Variants in KRT6A observed in about 807,000 individuals in gnomAD.
KRT6A encodes the protein keratin, type II cytoskeletal 6A.
In KRT6A, 28 loss-of-function variants were observed where a neutral mutation model predicts 48.6. That is an observed-to-expected ratio of 0.58 (90% CI 0.43 to 0.79). KRT6A has a LOEUF of 0.79. Ranked by LOEUF, KRT6A falls within the 30% of genes least tolerant of loss-of-function variation. KRT6A has a pLI of 0.00. For missense variants in KRT6A, 687 were observed against 724.3 expected, an observed-to-expected ratio of 0.95 and a Z score of 0.59; for synonymous variants, 301 against 294.2, an observed-to-expected ratio of 1.02 and a Z score of -0.24.
At chr12:52,489,853 T>C in intron 6 of KRT6A, 90 bp downstream of exon 6, 1 of 1,602,670 alleles carries the variant, frequency 6.2e-7, no homozygotes, top group South Asian at 1.1e-5. Flanking sequence ...TTTTGATAAG[T>C]TCCAGGGGAT....
chr12:52,489,319 C>T (rs1178705281), intron 6 of KRT6A, among the ~76,000 whole-genome samples: 1 of 152,120 alleles, frequency 6.6e-6, no homozygotes, highest in Non-Finnish European at 1.5e-5. Flanking sequence ...TGCTCTGTCA[C>T]CCAGGCTGGA....
chr12:52,493,225 A>G lies in KRT6A; in HGVS notation c.-37T>C. ...ATGAGAGAGCTGAGGAGAGTGTGAG[A>G]GGCTGGAGGAGAGAGGGAAGAGAAG... On this transcript the variant is annotated 5_prime_UTR_variant, in exon 1 of 9. Coordinates refer to ENST00000330722, the MANE Select transcript of KRT6A (RefSeq NM_005554.4). 6.2e-7 allele frequency: 1 copy of G among 1,613,902 alleles called. No homozygotes were observed. Among genetic ancestry groups the G allele is most frequent in the Non-Finnish European group, 8.5e-7 (1 of 1,179,962 alleles).
chr12:52,489,889 T>G (rs1938226705), intron 6 of KRT6A, 54 bp downstream of exon 6: 2 of 1,613,934 alleles, frequency 1.2e-6, no homozygotes, highest in Non-Finnish European at 1.7e-6. Flanking sequence ...GGTTGATGGC[T>G]GCCTGACGAC....
In KRT6A at chr12:52,487,478, G is replaced by C. The variant is rs1938163562; in HGVS notation, c.*242C>G. On this transcript the variant is annotated 3_prime_UTR_variant, in exon 9 of 9. Transcript: ENST00000330722. ...GCAAGAAATTAATAATTTAGTAACA[G>C]TGAAGCTCCAGTGGTGATTACATCA... 7.0e-6 allele frequency: 4 copies of C among 571,548 alleles called. No individual in the cohort carries two copies. Among genetic ancestry groups the C allele is most frequent in the Non-Finnish European group, 1.2e-5 (4 of 322,946 alleles). The allele number at this position is 571,548 out of a possible 1,614,324, so 35.4% of individuals were successfully genotyped here. A position where few individuals can be genotyped will look rare whatever the true frequency, so the allele number is the denominator to read the frequency against.
At chr12:52,491,230 G>A in intron 2 of KRT6A, 58 bp from the exon 3 acceptor site, 2 of 1,611,676 alleles carry the variant, frequency 1.2e-6, no homozygotes, top group Non-Finnish European at 1.7e-6. Context: ...AAACAGAAAA[G>A]CAGCCTGGGA....
chr12:52,487,569 G>C lies in KRT6A; in HGVS notation c.*151C>G, dbSNP rs1016777089. 1.4e-5 allele frequency: 12 copies of C among 873,286 alleles called. 1 individual carries two copies. Among genetic ancestry groups the C allele is most frequent in the African/African-American group, 1.4e-4 (8 of 59,014 alleles). The allele number at this position is 873,286 out of a possible 1,614,324, so 54.1% of individuals were successfully genotyped here. A position where few individuals can be genotyped will look rare whatever the true frequency, so the allele number is the denominator to read the frequency against. ...TGCTCAGATGGTATAGAGAGAGAGA[G>C]AAGAAGTGAGGGCACTAAGCATCCA... On this transcript the variant is annotated 3_prime_UTR_variant, in exon 9 of 9. Coordinates refer to ENST00000330722, the MANE Select transcript of KRT6A (RefSeq NM_005554.4).
rs765170804 is a variant in KRT6A, at chr12:52,492,743, T to C, written c.446A>G (p.Asn149Ser). ...CTGGATGGTGGGATCGATTTGCAGG[T>C]TGAGGGGAGTCAGGAGACTCTGGTT... ...TVNQSLLTPL[N>S]LQIDPTIQRV... Residue 149 changes from asparagine (N) to serine (S), a missense_variant, in exon 1 of 9, where the codon AAC becomes AGC. Physicochemically the swap from Asn to Ser is conservative, Grantham distance 46. Transcript: ENST00000330722. 14 of 1,613,310 alleles carry C rather than the reference T, an allele frequency of 8.7e-6. No homozygotes were observed. In the South Asian group the frequency reaches 1.5e-4, roughly 18 times the overall value.
rs1592185369 is a variant in KRT6A at position 52,490,802 on chromosome 12, C to A, written c.912+56G>T. 17 of 1,614,068 alleles carry A rather than the reference C, an allele frequency of 1.1e-5. No homozygotes were observed. The East Asian group carries it at 3.8e-4, about 36-fold the overall frequency. ...TACAGAGATACCCAACCCTATACAT[C>A]TTCTCCCCTTTGCAGACCCCATCAG... On this transcript the variant is annotated intron_variant, in intron 4 of 8. Coordinates refer to ENST00000330722, the MANE Select transcript of KRT6A (RefSeq NM_005554.4).
chr12:52,489,637 A>G (rs1278277267), intron 6 of KRT6A, among the ~76,000 whole-genome samples: 1 of 152,138 alleles, frequency 6.6e-6, no homozygotes, highest in Non-Finnish European at 1.5e-5. Flanking sequence ...AGTGTATTTT[A>G]TGTGTGGCCC....
chr12:52,487,691 C>T lies in KRT6A; in HGVS notation c.*29G>A. 1.2e-6 allele frequency: 2 copies of T among 1,614,082 alleles called. No homozygotes were observed. Among genetic ancestry groups the T allele is most frequent in the Non-Finnish European group, 1.7e-6 (2 of 1,179,996 alleles). ...CTGCAGCCAGAGAGGGGCCTGAGGA[C>T]TGTGGGACCGAGAGCTAGCAGACGC... On this transcript the variant is annotated 3_prime_UTR_variant, in exon 9 of 9. Coordinates refer to ENST00000330722, the MANE Select transcript of KRT6A (RefSeq NM_005554.4).
chr12:52,489,311 C>G (rs541219731), intron 6 of KRT6A, among the ~76,000 whole-genome samples: 2 of 152,182 alleles, frequency 1.3e-5, no homozygotes, highest in Non-Finnish European at 2.9e-5. Context: ...CAGAGTTTTG[C>G]TCTGTCACCC....
intron 6 of KRT6A, among the ~76,000 whole-genome samples, chr12:52,489,342 G>A (rs907669894): frequency 2.6e-5 from 4 of 152,016 alleles, no homozygotes; most frequent in Admixed American, 1.3e-4. Flanking sequence ...GCAGTGGCGC[G>A]GTATCGACTC....
chr12:52,489,570 G>C (rs572622524), intron 6 of KRT6A, among the ~76,000 whole-genome samples: 8 of 152,264 alleles, frequency 5.3e-5, no homozygotes, highest in Middle Eastern at 3.4e-3. Context: ...TGAGCCACTG[G>C]ACAAGGCTGT....
chr12:52,487,232 A>T lies in KRT6A; in HGVS notation c.*488T>A, dbSNP rs1228675488. 5.8e-6 allele frequency: 1 copy of T among 171,056 alleles called. No individual in the cohort carries two copies. Among genetic ancestry groups the T allele is most frequent in the African/African-American group, 2.4e-5 (1 of 41,782 alleles). 10.6% of individuals were successfully genotyped at this position (171,056 alleles called of 1,614,324 possible). On this transcript the variant is annotated 3_prime_UTR_variant, in exon 9 of 9. Transcript: ENST00000330722. Reference sequence around the variant, plus strand: ...GCAAACAGCGAAGAGCACAGAAATCATCACAGAGATACAGGCTTTGTACAT... The same window carrying T: ...GCAAACAGCGAAGAGCACAGAAATCTTCACAGAGATACAGGCTTTGTACAT...
At chr12:52,492,340 T>G (rs1161333131) in intron 1 of KRT6A, among the ~76,000 whole-genome samples, 1 of 152,234 alleles carries the variant, frequency 6.6e-6, no homozygotes, top group African/African-American at 2.4e-5. Flanking sequence ...GCCCGTGTAC[T>G]CCTGGCATTT....
chr12:52,490,043 C>T lies in KRT6A; in HGVS notation c.1103G>A (p.Gly368Asp). The change falls in exon 6 of 9, where the codon GGC (glycine) becomes GAC (aspartate). Residue 368 changes from glycine to aspartate, a missense_variant. Physicochemically the swap from Gly to Asp is moderately conservative, Grantham distance 94. This residue lies in a region of KRT6A where 566 missense variants were observed against 565.3 expected (regional missense o/e 1.00). Transcript: ENST00000330722. ...TKYEELQVTA[G>D]RHGDDLRNTK... ...GTTGCGCAGGTCGTCCCCATGTCTG[C>T]CTGCTGTGACCTGCAGCTCCTCGTA... 2.5e-6 allele frequency: 4 copies of T among 1,614,038 alleles called. No homozygotes were observed. The highest frequency in any genetic ancestry group is 3.4e-6 in the Non-Finnish European group (4 of 1,180,014).
At chr12:52,492,297 C>T (rs1938282435) in intron 1 of KRT6A, among the ~76,000 whole-genome samples, 1 of 151,882 alleles carries the variant, frequency 6.6e-6, no homozygotes, top group Non-Finnish European at 1.5e-5. Context: ...AATATTTTTT[C>T]CTCTTATCCA....
chr12:52,491,144 C>T lies in KRT6A; in HGVS notation c.784G>A (p.Ala262Thr). The change falls in exon 3 of 9, where the codon GCA becomes ACA. Residue 262 changes from alanine (A) to threonine (T), a missense_variant. Physicochemically the swap from Ala to Thr is moderately conservative, Grantham distance 58 (BLOSUM62 0). Around this residue, in one of 3 missense-constraint regions of KRT6A, gnomAD observed 566 missense variants for 565.3 expected, o/e 1.00. Transcript: ENST00000330722. Reference protein sequence around the residue: ...KYEDEINKRTAAENEFVTLKK... With the variant: ...KYEDEINKRTTAENEFVTLKK... ...AGAGTCACAAATTCATTCTCTGCTG[C>T]TGTGCGCTTGTTGATTTCATCCTCA... The T allele has an allele frequency of 1.2e-6, 2 of 1,614,002 alleles. No individual in the cohort carries two copies. The highest frequency in any genetic ancestry group is 1.1e-5 in the South Asian group (1 of 91,074).
rs199827753 is a variant in KRT6A at position 52,491,515 on chromosome 12, A to T, written c.755+7T>A. On this transcript the variant is annotated splice_region_variant and intron_variant, in intron 2 of 8. Coordinates refer to ENST00000330722, the MANE Select transcript of KRT6A (RefSeq NM_005554.4). ...GAAACTGAGTCCATTTCTCCTGTTT[A>T]ACTCACTTGTTCTTGAAGTCCTCCA... The T allele has an allele frequency of 3.8e-4, 610 of 1,613,882 alleles. 4 individuals are homozygous for T. The highest frequency in any genetic ancestry group is 2.4e-4 in the East Asian group (11 of 44,900).
Sources: allele counts gnomAD v4.1 joint callset (sites outside exome capture counted in the v4.1 genomes callset), GRCh38; gene constraint gnomAD v4.1.1; regional missense constraint gnomAD v4.1.1; transcripts MANE v1.5; gene names NCBI Gene and HGNC (gene_info 2026-07-23, HGNC 2026-07-21).